The following USP24 variants were observed in gnomAD, a reference collection of about 807,000 sequenced individuals.
USP24 encodes ubiquitin specific peptidase 24, also known as ubiquitin carboxyl-terminal hydrolase 24.
Under a neutral mutation model 361.6 loss-of-function variants are expected in USP24, and 97 were observed. That is an observed-to-expected ratio of 0.27 (90% CI 0.23 to 0.32). USP24 has a LOEUF of 0.32. USP24 is among the 10% of genes least tolerant of loss of function. USP24 has a pLI of 1.00. For synonymous variants in USP24, 1,098 were observed against 1,124.6 expected (o/e 0.98, Z 0.47); for missense variants, 2,353 against 3,165.6 (o/e 0.74, Z 6.16).
Position 55,177,979 on chromosome 1 carries a change from G to C in USP24, c.478C>G (p.Leu160Val), listed in dbSNP as rs1650157480. 1 of 1,551,496 alleles carries C rather than the reference G, an allele frequency of 6.4e-7. No individual in the cohort carries two copies. The part of the protein sequence containing the change: ...LGKCLLASTY[L>V]ARLGLSESDE... Reference sequence around the variant, plus strand: ...TCTGAAAACTTACCAAGTCTTGCTAGGTAGGTAGATGCCAACAGGCATTTG... The same window carrying C: ...TCTGAAAACTTACCAAGTCTTGCTACGTAGGTAGATGCCAACAGGCATTTG... Residue 160 changes from leucine to valine, a missense_variant, in exon 2 of 68, where the codon CTA (leucine) becomes GTA (valine). Coordinates refer to ENST00000294383, the MANE Select transcript of USP24 (RefSeq NM_015306.3).
At chr1:55,176,325 CT>C (rs1337767631) in intron 3 of USP24, 50 bp downstream of exon 3, 5 of 1,491,028 alleles carry the variant, frequency 3.4e-6, no homozygotes, top group Non-Finnish European at 4.5e-6. Context: ...TTCCTTCACC[CT>C]GCCCCCACCC....
chr1:55,192,150 A>C (rs1408913780), intron 1 of USP24, among the ~76,000 whole-genome samples: 2 of 114,724 alleles, frequency 1.7e-5, no homozygotes, highest in Admixed American at 9.8e-5. Context: ...AAGAGAGTTT[A>C]ATATTTATTT....
Position 55,214,807 on chromosome 1 carries a change from C to G in USP24, c.307G>C (p.Glu103Gln), listed in dbSNP as rs976237184. The G allele has an allele frequency of 4.9e-6, 6 of 1,223,148 alleles. No homozygotes were observed. Among genetic ancestry groups the G allele is most frequent in the Non-Finnish European group, 6.2e-6 (6 of 972,824 alleles). The allele number at this position is 1,223,148 out of a possible 1,614,324, so 75.8% of individuals were successfully genotyped here. The change falls in exon 1 of 68, where the codon GAG becomes CAG. Residue 103 changes from glutamate (E) to glutamine (Q), a missense_variant. Physicochemically the swap from Glu to Gln is conservative, Grantham distance 29. Around this residue, in one of 8 missense-constraint regions of USP24, gnomAD observed 253 missense variants for 255.3 expected, o/e 0.99. Coordinates refer to ENST00000294383, the MANE Select transcript of USP24 (RefSeq NM_015306.3). Reference protein sequence around the residue: ...GGFDPPPAYHEVVDAEKNDEN... With the variant: ...GGFDPPPAYHQVVDAEKNDEN... ...CTCCTCACCTCCGCGTCCACCACCT[C>G]GTGGTAGGCGGGCGGGGGGTCGAAG...
intron 8 of USP24, among the ~76,000 whole-genome samples, chr1:55,160,344 T>G (rs1648142009): frequency 6.6e-6 from 1 of 152,250 alleles, no homozygotes; most frequent in Admixed American, 6.5e-5. Context: ...AGATAGAATT[T>G]CTTCTTTTAC....
intron 58 of USP24, among the ~76,000 whole-genome samples, chr1:55,081,662 G>A (rs149428216): frequency 7.9e-5 from 12 of 152,188 alleles, no homozygotes; most frequent in Non-Finnish European, 1.5e-4. Context: ...TGCTTACAAC[G>A]TGCCTCAGTA....
At chr1:55,130,029 GA>G (rs1209609864) in intron 31 of USP24, among the ~76,000 whole-genome samples, 1 of 152,190 alleles carries the variant, frequency 6.6e-6, no homozygotes, top group Non-Finnish European at 1.5e-5. Context: ...CTTTATAGGT[GA>G]GGGAACTGAG....
In USP24 at chr1:55,098,548, C is replaced by T. The variant is rs1212285733; in HGVS notation, c.5381G>A (p.Arg1794Lys). 2.5e-6 allele frequency: 4 copies of T among 1,611,238 alleles called. No individual in the cohort carries two copies. Among genetic ancestry groups the T allele is most frequent in the Non-Finnish European group, 3.4e-6 (4 of 1,178,362 alleles). Residue 1794 changes from arginine to lysine, a missense_variant, in exon 46 of 68, where the codon AGA becomes AAA. Coordinates refer to ENST00000294383, the MANE Select transcript of USP24 (RefSeq NM_015306.3). The part of the protein sequence containing the change: ...QMDEYLKKMG[R>K]DQIFKNTFQG... Reference sequence around the variant, plus strand: ...AAATGTATTCTTAAAAATTTGGTCTCTCCCCATTTTCTGTTGGAATGAAAA... The same window carrying T: ...AAATGTATTCTTAAAAATTTGGTCTTTCCCCATTTTCTGTTGGAATGAAAA...
chr1:55,070,893 C>T (rs1201400919), intron 67 of USP24, among the ~76,000 whole-genome samples: 4 of 152,200 alleles, frequency 2.6e-5, no homozygotes, highest in Non-Finnish European at 5.9e-5. Flanking sequence ...AAACTTCCCA[C>T]TGTCACAGGA....
At chr1:55,109,747 T>A (rs1645896385) in intron 39 of USP24, among the ~76,000 whole-genome samples, 1 of 152,164 alleles carries the variant, frequency 6.6e-6, no homozygotes, top group Non-Finnish European at 1.5e-5. Flanking sequence ...ATGATTAAAA[T>A]CTCAGCACAC....
intron 24 of USP24, among the ~76,000 whole-genome samples, chr1:55,140,747 G>A (rs1426547937): frequency 6.6e-6 from 1 of 152,160 alleles, no homozygotes; most frequent in Non-Finnish European, 1.5e-5. Flanking sequence ...GGTAGGGAGA[G>A]CAAGTCCTTC....
chr1:55,121,155 G>A (rs1646269007), intron 37 of USP24, among the ~76,000 whole-genome samples: 1 of 152,196 alleles, frequency 6.6e-6, no homozygotes, highest in East Asian at 1.9e-4. Flanking sequence ...AGCTGCCCTT[G>A]TGAGCTATGG....
intron 1 of USP24, among the ~76,000 whole-genome samples, chr1:55,209,231 T>C (rs1206895095): frequency 3.3e-5 from 5 of 152,214 alleles, no homozygotes; most frequent in African/African-American, 9.6e-5. Context: ...TCCAGGTGTC[T>C]GAAGCCTACT....
intron 66 of USP24, 27 bp from the exon 67 acceptor site, chr1:55,071,951 CAA>C (rs763495278): frequency 6.3e-7 from 1 of 1,578,654 alleles, no homozygotes; most frequent in Non-Finnish European, 8.6e-7. Flanking sequence ...CACAAGACGA[CAA>C]AGTTAGGGCC....
intron 65 of USP24, 46 bp from the exon 66 acceptor site, chr1:55,072,449 C>T: frequency 6.8e-7 from 1 of 1,477,062 alleles, no homozygotes; most frequent in Non-Finnish European, 9.4e-7. Context: ...CAAATAAGCC[C>T]CCATGGGTTC....
intron 40 of USP24, 58 bp from the exon 41 acceptor site, chr1:55,106,321 C>T: frequency 7.4e-7 from 1 of 1,342,872 alleles, no homozygotes. Context: ...TTCAAAGATC[C>T]TATCTTGCAC....
At chr1:55,070,706 C>A (rs1486949135) in intron 67 of USP24, among the ~76,000 whole-genome samples, 1 of 143,852 alleles carries the variant, frequency 7.0e-6, no homozygotes, top group African/African-American at 2.5e-5. Flanking sequence ...GAGGCTTTGA[C>A]AGGGCAGAAG....
intron 54 of USP24, 45 bp downstream of exon 54, chr1:55,091,978 A>G (rs766472097): frequency 2.2e-5 from 30 of 1,382,302 alleles, no homozygotes; most frequent in Non-Finnish European, 2.7e-5. Flanking sequence ...TGAATTCACC[A>G]GTGCCCTCTG....
At chr1:55,151,908 T>C in intron 16 of USP24, 1 of 985,818 alleles carries the variant, frequency 1.0e-6, no homozygotes, top group Non-Finnish European at 1.2e-6. Context: ...TGATCTTGTC[T>C]TACCCTTTGC....
intron 67 of USP24, among the ~76,000 whole-genome samples, chr1:55,070,642 G>C (rs1371007575): frequency 6.6e-6 from 1 of 152,208 alleles, no homozygotes; most frequent in Non-Finnish European, 1.5e-5. Context: ...TAGAGAATTA[G>C]TCGAAGTTTG....
Sources: gnomAD v4.1 joint callset for allele counts (sites outside exome capture counted in the v4.1 genomes callset) on GRCh38, gnomAD v4.1.1 for gene constraint, gnomAD v4.1.1 regional missense constraint, MANE v1.5 for transcripts, NCBI Gene and HGNC (gene_info 2026-07-23, HGNC 2026-07-21) for gene names.